Variants in METTL16 observed in about 807,000 individuals in gnomAD.
The protein encoded by METTL16 is RNA N(6)-adenosine-methyltransferase METTL16.
Under a neutral mutation model 57.9 loss-of-function variants are expected in METTL16, and 19 were observed. The observed-to-expected ratio is 0.33, with a 90% CI of 0.23 to 0.48. METTL16 has a LOEUF of 0.48. Ranked by LOEUF, METTL16 falls within the 20% of genes least tolerant of loss-of-function variation. The pLI, the probability that METTL16 is intolerant of heterozygous loss-of-function variation, is 0.99. For missense variants in METTL16, 434 were observed against 691.5 expected (o/e 0.63, Z 4.18); for synonymous variants, 246 against 255.6 (o/e 0.96, Z 0.36).
chr17:2,492,763 G>GGC (rs1278889051), intron 2 of METTL16, among the ~76,000 whole-genome samples: 8 of 151,662 alleles, frequency 5.3e-5, no homozygotes, highest in African/African-American at 1.9e-4. Context: ...CAGGTGTGGT[G>GGC]GTTGGCACCT....
chr17:2,448,819 A>ATT (rs1567890056), intron 6 of METTL16, among the ~76,000 whole-genome samples: 1 of 144,468 alleles, frequency 6.9e-6, no homozygotes, highest in African/African-American at 2.5e-5. Flanking sequence ...AAAAAAAAAA[A>ATT]AAAAAAAGAG....
At chr17:2,447,976 G>T (rs1399235586) in intron 6 of METTL16, among the ~76,000 whole-genome samples, 34 of 109,056 alleles carry the variant, frequency 3.1e-4, no homozygotes, top group East Asian at 1.3e-3. Flanking sequence ...CGCCTGGCCA[G>T]CCGCCCCGTC....
At position 2,417,085 on chromosome 17, in the gene METTL16, T is replaced by TTTTTTTTTA. The variant is rs869134753; in HGVS notation, c.*2884_*2885insTAAAAAAAA. The TTTTTTTTTA allele has an allele frequency of 7.2e-6, 1 of 138,356 alleles. No homozygotes were observed. Among genetic ancestry groups the TTTTTTTTTA allele is most frequent in the African/African-American group, 2.9e-5 (1 of 34,948 alleles). 8.6% of individuals were successfully genotyped at this position (138,356 alleles called of 1,614,324 possible). A position where few individuals can be genotyped will look rare whatever the true frequency, so the allele number is the denominator to read the frequency against. The stretch of plus-strand genomic sequence containing the variant: ...TTTTTTTTTTTTTTTTTTTTTTTTT[T>TTTTTTTTTA]GAGACAGTCCCACTTTGTCGCCCAG... On this transcript the variant is annotated 3_prime_UTR_variant, in exon 10 of 10. Transcript: ENST00000263092.
chr17:2,505,042 TACA>T (rs1238287421), intron 1 of METTL16, among the ~76,000 whole-genome samples: 3 of 152,096 alleles, frequency 2.0e-5, no homozygotes, highest in Admixed American at 6.6e-5. Context: ...TCTTCCAGAT[TACA>T]ACAAGAAATA....
intron 6 of METTL16, among the ~76,000 whole-genome samples, chr17:2,445,015 T>C (rs552910215): frequency 1.5e-4 from 23 of 152,000 alleles, no homozygotes; most frequent in Admixed American, 5.2e-4. Context: ...CATGCTAGGC[T>C]AATTTTTTGT....
At chr17:2,465,740 C>A (rs1013542154) in intron 5 of METTL16, among the ~76,000 whole-genome samples, 1 of 151,084 alleles carries the variant, frequency 6.6e-6, no homozygotes, top group Non-Finnish European at 1.5e-5. Flanking sequence ...GTGGTGTCCA[C>A]CAGGAGTCCC....
chr17:2,455,947 C>A (rs879692230), intron 6 of METTL16, among the ~76,000 whole-genome samples: 15 of 152,058 alleles, frequency 9.9e-5, no homozygotes, highest in Non-Finnish European at 1.6e-4. Context: ...CATGCCACTG[C>A]ACTCTAGTCT....
rs747073596 is a variant in METTL16 at position 2,477,637 on chromosome 17, C to T, written c.328+49G>A. 9 of 1,431,946 alleles carry T rather than the reference C, an allele frequency of 6.3e-6. No homozygotes were observed. In the South Asian group the frequency reaches 9.3e-5, roughly 15 times the overall value. 88.7% of individuals were successfully genotyped at this position (1,431,946 alleles called of 1,614,324 possible). ...AAAGTTTACAAAGAATTTGATCTCG[C>T]AAAACTTATGAAAACTGTTTAGCCA... On this transcript the variant is annotated intron_variant, in intron 3 of 9. Coordinates refer to ENST00000263092, the MANE Select transcript of METTL16 (RefSeq NM_024086.4).
intron 8 of METTL16, among the ~76,000 whole-genome samples, chr17:2,430,917 CTTCT>C (rs1280634540): frequency 6.6e-6 from 1 of 151,808 alleles, no homozygotes; most frequent in Non-Finnish European, 1.5e-5. Flanking sequence ...CAGTATCTGA[CTTCT>C]TTCATGTAAA....
intron 8 of METTL16, among the ~76,000 whole-genome samples, chr17:2,436,452 G>A (rs2066909570): frequency 6.6e-6 from 1 of 152,138 alleles, no homozygotes; most frequent in Admixed American, 6.5e-5. Context: ...CAGAAACATG[G>A]TAGTATCTGC....
chr17:2,470,361 G>C lies in METTL16; in HGVS notation c.470-2485C>G, dbSNP rs191456988. 3.6e-3 allele frequency among the ~76,000 whole-genome samples: 553 copies of C among 152,230 alleles called. 3 individuals are homozygous for C. The highest frequency in any genetic ancestry group is 6.8e-3 in the Middle Eastern group (2 of 292). ...TAAATAGACCAATAAAAGGACGCTT[G>C]GTTCACAGTCCGGAAGCTGGAGTAA... On this transcript the variant is annotated intron_variant, in intron 4 of 9. Transcript: ENST00000263092.
intron 6 of METTL16, among the ~76,000 whole-genome samples, chr17:2,453,396 A>G (rs1056766562): frequency 6.6e-6 from 1 of 151,988 alleles, no homozygotes; most frequent in Non-Finnish European, 1.5e-5. Context: ...CATGACCTTA[A>G]TGTTTTTGAG....
chr17:2,508,080 C>G (rs1330605521), intron 1 of METTL16, among the ~76,000 whole-genome samples: 6 of 151,384 alleles, frequency 4.0e-5, no homozygotes, highest in East Asian at 1.9e-4. Flanking sequence ...GTCCTGTGAC[C>G]CTGCCAAATC....
intron 8 of METTL16, among the ~76,000 whole-genome samples, chr17:2,434,426 G>T (rs752316808): frequency 1.3e-5 from 2 of 152,152 alleles, no homozygotes; most frequent in Non-Finnish European, 2.9e-5. Context: ...TGTTGGCCAG[G>T]CTGGTCTCAA....
chr17:2,464,423 T>TC (rs1437966533), intron 5 of METTL16, 73 bp from the exon 6 acceptor site: 1 of 1,392,588 alleles, frequency 7.2e-7, no homozygotes, highest in Non-Finnish European at 9.6e-7. Context: ...AATCTATCTC[T>TC]AAGTTAGAAT....
intron 8 of METTL16, among the ~76,000 whole-genome samples, chr17:2,432,007 C>T (rs778876949): frequency 4.6e-5 from 7 of 152,004 alleles, no homozygotes; most frequent in South Asian, 2.1e-4. Context: ...TGCAGTGGCA[C>T]GATCCTGGCT....
intron 6 of METTL16, among the ~76,000 whole-genome samples, chr17:2,461,351 T>G (rs760632001): frequency 2.0e-5 from 3 of 151,778 alleles, no homozygotes; most frequent in Non-Finnish European, 4.4e-5. Flanking sequence ...GGTGACAGAG[T>G]GAGACTCTGT....
chr17:2,480,101 G>A (rs1459004516), intron 2 of METTL16, among the ~76,000 whole-genome samples: 1 of 150,816 alleles, frequency 6.6e-6, no homozygotes, highest in Non-Finnish European at 1.5e-5. Context: ...CAGGAGAATC[G>A]CTTGAACCCG....
intron 6 of METTL16, among the ~76,000 whole-genome samples, chr17:2,461,949 C>T (rs763202952): frequency 3.3e-5 from 5 of 151,940 alleles, no homozygotes; most frequent in East Asian, 1.9e-4. Context: ...AGGACAATAC[C>T]GTATAGGAAA....
Sources: allele counts gnomAD v4.1 joint callset (sites outside exome capture counted in the v4.1 genomes callset), GRCh38; gene constraint gnomAD v4.1.1; transcripts MANE v1.5; gene names NCBI Gene and HGNC (gene_info 2026-07-23, HGNC 2026-07-21).